The following F2 variants were observed in gnomAD, a reference collection of about 807,000 sequenced individuals.
The protein encoded by F2 is prothrombin.
F2 carries 34 observed loss-of-function variants against 81.9 expected under a neutral mutation model. The ratio of observed to expected loss-of-function variants is 0.42; its 90% confidence interval spans 0.32 to 0.55. F2 has a LOEUF of 0.55. F2 is among the 20% of genes least tolerant of loss of function. F2 has a pLI of 0.18. For missense variants in F2, 630 were observed against 833.4 expected, an observed-to-expected ratio of 0.76 and a Z score of 3.00; for synonymous variants, 296 against 326.4, an observed-to-expected ratio of 0.91 and a Z score of 1.01.
Position 46,728,259 on chromosome 11 carries a change from C to T in F2, c.1298+96C>T. 1 of 1,276,832 alleles carries T rather than the reference C, an allele frequency of 7.8e-7. No homozygotes were observed. The highest frequency in any genetic ancestry group is 1.1e-6 in the Non-Finnish European group (1 of 900,494). The allele number at this position is 1,276,832 out of a possible 1,614,324, so 79.1% of individuals were successfully genotyped here. A position where few individuals can be genotyped will look rare whatever the true frequency, so the allele number is the denominator to read the frequency against. On this transcript the variant is annotated intron_variant, in intron 10 of 13. Transcript: ENST00000311907. This position sits in a 1 kb window ranked among gnomAD's most constrained non-coding sequence, Gnocchi z 5.1. ...GTGGCTCCGGGACACATAGGATGTTCTGTATACCCCCCAGAATATAACATC... is the reference window on the plus strand; with the variant it reads ...GTGGCTCCGGGACACATAGGATGTTTTGTATACCCCCCAGAATATAACATC...
intron 12 of F2, among the ~76,000 whole-genome samples, chr11:46,730,735 C>T (rs1469713745): frequency 6.6e-6 from 1 of 150,392 alleles, no homozygotes; most frequent in East Asian, 1.9e-4. Context: ...CAAAGATTTC[C>T]TGTATACTGT....
chr11:46,730,526 G>A (rs2064904678), intron 12 of F2, among the ~76,000 whole-genome samples: 1 of 151,412 alleles, frequency 6.6e-6, no homozygotes, highest in African/African-American at 2.4e-5. Flanking sequence ...CTGAGGAGGG[G>A]CAGCAGTGGG....
At chr11:46,727,200 T>G (rs1214938148) in intron 9 of F2, among the ~76,000 whole-genome samples, 1 of 152,020 alleles carries the variant, frequency 6.6e-6, no homozygotes, top group East Asian at 1.9e-4. Context: ...TTTTGTATTT[T>G]AAGTAGAGAC....
chr11:46,725,438 A>G (rs576137039), intron 6 of F2, among the ~76,000 whole-genome samples: 3 of 152,086 alleles, frequency 2.0e-5, no homozygotes, highest in Non-Finnish European at 4.4e-5. Context: ...ACCCCCATAC[A>G]CACGCACACA....
chr11:46,734,397 C>T (rs931608556), intron 12 of F2, among the ~76,000 whole-genome samples: 3 of 152,090 alleles, frequency 2.0e-5, no homozygotes, highest in African/African-American at 7.2e-5. Flanking sequence ...AATGTTTTCT[C>T]CTAGTTTGTC....
rs749303506 is a variant in F2 at position 46,720,594 on chromosome 11, C to T, written c.265+47C>T. The T allele has an allele frequency of 3.8e-5, 62 of 1,610,394 alleles. No individual in the cohort carries two copies. The Middle Eastern group carries it at 1.2e-3, about 30-fold the overall frequency. On this transcript the variant is annotated intron_variant, in intron 3 of 13. Transcript: ENST00000311907. ...CCCCAGGAAGGGAGGCCTGGGGACC[C>T]CAGTGAGAGAATTCTACCCAGAGAA... is the stretch of plus-strand genomic sequence containing the variant.
intron 4 of F2, among the ~76,000 whole-genome samples, chr11:46,721,435 C>A (rs1349762743): frequency 6.6e-6 from 1 of 152,222 alleles, no homozygotes; most frequent in East Asian, 1.9e-4. Context: ...CCCCTTCTAG[C>A]TTTAGGTGTC....
chr11:46,731,228 A>AT (rs367631854), intron 12 of F2, among the ~76,000 whole-genome samples: 237 of 140,092 alleles, frequency 1.7e-3, no homozygotes, highest in Non-Finnish European at 2.0e-3. Flanking sequence ...AAACCAGGAA[A>AT]TTTTTTTTTT....
rs1383703781 is a variant in F2 at position 46,728,184 on chromosome 11, G to C, written c.1298+21G>C. ...ACCAGGTACAGAACTGGTGGCCCGT[G>C]GGTGTCTGGCAGGGGTCTGAGTCCT... On this transcript the variant is annotated intron_variant, in intron 10 of 13. Transcript: ENST00000311907. The surrounding 1 kb of genome is among the most constrained non-coding windows in gnomAD (Gnocchi z 5.1). The C allele has an allele frequency of 1.2e-6, 2 of 1,600,806 alleles. No homozygotes were observed. The highest frequency in any genetic ancestry group is 1.7e-5 in the Admixed American group (1 of 58,064).
In F2 at chr11:46,723,071, T is replaced by A. The variant is rs1418413064; in HGVS notation, c.317-109T>A. 4 of 910,860 alleles carry A rather than the reference T, an allele frequency of 4.4e-6. No homozygotes were observed. The highest frequency in any genetic ancestry group is 7.4e-6 in the Non-Finnish European group (4 of 539,722). The allele number at this position is 910,860 out of a possible 1,614,324, so 56.4% of individuals were successfully genotyped here. A position where few individuals can be genotyped will look rare whatever the true frequency, so the allele number is the denominator to read the frequency against. ...GAAGAGGGGCTGGGTGAATGCAGGTTCAGGATTGTGGACCTGCATGAGCTG... is the reference window on the plus strand; with the variant it reads ...GAAGAGGGGCTGGGTGAATGCAGGTACAGGATTGTGGACCTGCATGAGCTG... On this transcript the variant is annotated intron_variant, in intron 4 of 13. Coordinates refer to ENST00000311907, the MANE Select transcript of F2 (RefSeq NM_000506.5). This position sits in a 1 kb window ranked among gnomAD's most constrained non-coding sequence, Gnocchi z 5.6.
rs778217656 is a variant in F2, at chr11:46,726,474, C to T, written c.875-24C>T. The T allele has an allele frequency of 1.3e-5, 21 of 1,609,946 alleles. No individual in the cohort carries two copies. Among genetic ancestry groups the T allele is most frequent in the Non-Finnish European group, 1.8e-5 (21 of 1,177,926 alleles). ...GGTGAGGAATGGCCCAGCCCAGTCC[C>T]AGCCGGTGCCTGGGTCCCAACAGAG... On this transcript the variant is annotated intron_variant, in intron 7 of 13. Transcript: ENST00000311907. This position sits in a 1 kb window ranked among gnomAD's most constrained non-coding sequence, Gnocchi z 5.9.
chr11:46,719,478 A>C lies in F2; in HGVS notation c.79+164A>C. ...GTCAGGAGCTCAGGGCTGGAAAGAG[A>C]ATGGCTGCTTCTCTCTTCCAATATA... On this transcript the variant is annotated intron_variant, in intron 1 of 13. Coordinates refer to ENST00000311907, the MANE Select transcript of F2 (RefSeq NM_000506.5). The surrounding 1 kb of genome is among the most constrained non-coding windows in gnomAD (Gnocchi z 4.7). The C allele has an allele frequency of 1.0e-6, 1 of 989,140 alleles. No homozygotes were observed. 61.3% of individuals were successfully genotyped at this position (989,140 alleles called of 1,614,324 possible). A position where few individuals can be genotyped will look rare whatever the true frequency, so the allele number is the denominator to read the frequency against.
chr11:46,725,042 T>A (rs1378724979), intron 6 of F2, among the ~76,000 whole-genome samples: 2 of 148,408 alleles, frequency 1.3e-5, no homozygotes, highest in Admixed American at 1.4e-4. Flanking sequence ...ACTGCTGAGA[T>A]TACAGGGGTG....
rs771758640 is a variant in F2 at position 46,739,474 on chromosome 11, A to G, written c.*66A>G. 12 of 1,603,256 alleles carry G rather than the reference A, an allele frequency of 7.5e-6. No individual in the cohort carries two copies. Among genetic ancestry groups the G allele is most frequent in the Non-Finnish European group, 1.0e-5 (12 of 1,173,732 alleles). ...AAAGAATTATTTTTGTGTTTCTAAA[A>G]CTATGGTTCCCAATAAAAGTGACTC... On this transcript the variant is annotated 3_prime_UTR_variant, in exon 14 of 14. Transcript: ENST00000311907.
In F2 at chr11:46,739,431, C is replaced by T. The variant is rs1240226560; in HGVS notation, c.*23C>T. 1.2e-6 allele frequency: 2 copies of T among 1,613,844 alleles called. No homozygotes were observed. The highest frequency in any genetic ancestry group is 8.5e-7 in the Non-Finnish European group (1 of 1,179,974). Reference sequence around the variant, plus strand: ...TAGGGGGCCACTCATATTCTGGGCTCCTGGAACCAATCCCGTGAAAGAATT... The same window carrying T: ...TAGGGGGCCACTCATATTCTGGGCTTCTGGAACCAATCCCGTGAAAGAATT... On this transcript the variant is annotated 3_prime_UTR_variant, in exon 14 of 14. Transcript: ENST00000311907.
Position 46,731,095 on chromosome 11 carries a change from G to T in F2, c.1654+1534G>T, listed in dbSNP as rs182438633. Among the ~76,000 whole-genome samples the T allele has an allele frequency of 2.3e-4, 35 of 152,100 alleles. No homozygotes were observed. In the East Asian group the frequency reaches 6.4e-3, roughly 28 times the overall value. ...CCATGCCTAGCTAATTTTTGTATTT[G>T]TAGTAGAGACAGGGTTTCACCATGT... is the stretch of plus-strand genomic sequence containing the variant. On this transcript the variant is annotated intron_variant, in intron 12 of 13. Transcript: ENST00000311907.
rs2064847602 is a variant in F2 at position 46,723,078 on chromosome 11, T to A, written c.317-102T>A. On this transcript the variant is annotated intron_variant, in intron 4 of 13. Transcript: ENST00000311907. This position sits in a 1 kb window ranked among gnomAD's most constrained non-coding sequence, Gnocchi z 5.6. ...GGCTGGGTGAATGCAGGTTCAGGAT[T>A]GTGGACCTGCATGAGCTGGGAGGTG... The A allele has an allele frequency of 3.2e-6, 3 of 951,964 alleles. No homozygotes were observed. In the East Asian group the frequency reaches 7.2e-5, roughly 23 times the overall value. 59.0% of individuals were successfully genotyped at this position (951,964 alleles called of 1,614,324 possible). A position where few individuals can be genotyped will look rare whatever the true frequency, so the allele number is the denominator to read the frequency against.
In F2 at chr11:46,728,339, C is replaced by T. The variant is rs1451293116; in HGVS notation, c.1298+176C>T. On this transcript the variant is annotated intron_variant, in intron 10 of 13. Coordinates refer to ENST00000311907, the MANE Select transcript of F2 (RefSeq NM_000506.5). This position sits in a 1 kb window ranked among gnomAD's most constrained non-coding sequence, Gnocchi z 5.1. The stretch of plus-strand genomic sequence containing the variant: ...GTCACGTCCTGACTGAGGCTTGGAG[C>T]TGCGGGGAGAAATCCGTCTGTCTCC... Among the ~76,000 whole-genome samples, 18 of 152,190 alleles carry T rather than the reference C, an allele frequency of 1.2e-4. No homozygotes were observed.
chr11:46,725,749 C>A, intron 6 of F2, 110 bp from the exon 7 acceptor site: 1 of 1,256,454 alleles, frequency 8.0e-7, no homozygotes. Flanking sequence ...GGTTAAGTAA[C>A]CTGAGGTCAC....
Sources: gnomAD v4.1 joint callset for allele counts (sites outside exome capture counted in the v4.1 genomes callset) on GRCh38, gnomAD v4.1.1 for gene constraint, Gnocchi (gnomAD v3.1) non-coding constraint, MANE v1.5 for transcripts, NCBI Gene and HGNC (gene_info 2026-07-23, HGNC 2026-07-21) for gene names.